The following SMYD3 variants were observed in gnomAD, a reference collection of about 807,000 sequenced individuals.
SMYD3 encodes histone-lysine N-methyltransferase SMYD3.
SMYD3 carries 36 observed loss-of-function variants against 57.7 expected under a neutral mutation model. The observed-to-expected ratio is 0.62, with a 90% CI of 0.48 to 0.82. The LOEUF is 0.82. Ranked by LOEUF, SMYD3 falls within the 40% of genes least tolerant of loss-of-function variation. The pLI, the probability that SMYD3 is intolerant of heterozygous loss-of-function variation, is 0.00. For synonymous variants in SMYD3, 211 were observed against 195.0 expected, an observed-to-expected ratio of 1.08 and a Z score of -0.68; for missense variants, 515 against 538.8, an observed-to-expected ratio of 0.96 and a Z score of 0.44.
chr1:245,922,791 G>T (rs1052512751), intron 7 of SMYD3, among the ~76,000 whole-genome samples: 1 of 152,150 alleles, frequency 6.6e-6, no homozygotes, highest in African/African-American at 2.4e-5. Context: ...ACACTGCGTA[G>T]TAGTAAGTGT....
chr1:246,447,337 A>G (rs2067563778), intron 1 of SMYD3, among the ~76,000 whole-genome samples: 1 of 152,244 alleles, frequency 6.6e-6, no homozygotes, highest in Non-Finnish European at 1.5e-5. Context: ...GCTATGAGAA[A>G]AGAGTACTTG....
At chr1:246,339,016 T>C (rs2065587883) in intron 2 of SMYD3, among the ~76,000 whole-genome samples, 1 of 140,586 alleles carries the variant, frequency 7.1e-6, no homozygotes, top group Non-Finnish European at 1.5e-5. Flanking sequence ...GGTGGAAAAC[T>C]TGTTTATAAT....
intron 1 of SMYD3, among the ~76,000 whole-genome samples, chr1:246,381,202 T>C (rs1040009754): frequency 1.3e-5 from 2 of 152,228 alleles, no homozygotes; most frequent in Non-Finnish European, 2.9e-5. Flanking sequence ...CTCAGTCACA[T>C]GGCCATGTCT....
intron 5 of SMYD3, among the ~76,000 whole-genome samples, chr1:246,311,649 A>G (rs1277664509): frequency 1.3e-5 from 2 of 152,148 alleles, no homozygotes; most frequent in Non-Finnish European, 2.9e-5. Flanking sequence ...ACACGCATAC[A>G]CACACGCGCA....
At chr1:246,397,127 G>C (rs748048540) in intron 1 of SMYD3, among the ~76,000 whole-genome samples, 1 of 152,304 alleles carries the variant, frequency 6.6e-6, no homozygotes, top group South Asian at 2.1e-4. Context: ...CTGGCTGCAC[G>C]ACAGGAGGTG....
chr1:246,470,467 C>G (rs1247154918), intron 1 of SMYD3, among the ~76,000 whole-genome samples: 1 of 148,408 alleles, frequency 6.7e-6, no homozygotes, highest in Non-Finnish European at 1.5e-5. Flanking sequence ...TGCATTCCAG[C>G]CTAGGAGACA....
intron 5 of SMYD3, among the ~76,000 whole-genome samples, chr1:245,951,322 C>CACGCCTGTCATCCCAGG (rs1394410110): frequency 9.6e-6 from 1 of 104,390 alleles, no homozygotes; most frequent in Non-Finnish European, 1.8e-5. Context: ...CGTCGTGGCT[C>CACGCCTGTCATCCCAGG]ACTTTGGGAG....
Position 246,055,100 on chromosome 1 carries a change from C to T in SMYD3, c.532-125163G>A, listed in dbSNP as rs922632117. 2.0e-5 allele frequency among the ~76,000 whole-genome samples: 3 copies of T among 151,572 alleles called. No individual in the cohort carries two copies. In the East Asian group the frequency reaches 5.8e-4, roughly 29 times the overall value. ...CTGAGGCAGGAGAATGGAGTGAACC[C>T]GGGTGGCAGAGCTTGCAGTGAGCCG... On this transcript the variant is annotated intron_variant, in intron 5 of 11. Transcript: ENST00000490107.
intron 5 of SMYD3, among the ~76,000 whole-genome samples, chr1:245,941,320 C>A (rs2057235700): frequency 6.6e-6 from 1 of 152,080 alleles, no homozygotes; most frequent in Non-Finnish European, 1.5e-5. Context: ...CAGGGAACCC[C>A]AGTAAGATAC....
chr1:245,760,857 G>A (rs940141721), intron 11 of SMYD3, among the ~76,000 whole-genome samples: 10 of 152,206 alleles, frequency 6.6e-5, no homozygotes, highest in Non-Finnish European at 1.5e-4. Context: ...AAGAGTTCCT[G>A]TAACAATACC....
intron 5 of SMYD3, among the ~76,000 whole-genome samples, chr1:246,114,403 G>A (rs189745297): frequency 1.1e-4 from 16 of 152,318 alleles, no homozygotes; most frequent in Admixed American, 7.8e-4. Context: ...GCCAGCCCCC[G>A]ATGGGGGAGA....
At chr1:246,285,030 T>C (rs2064532722) in intron 5 of SMYD3, among the ~76,000 whole-genome samples, 1 of 152,066 alleles carries the variant, frequency 6.6e-6, no homozygotes, top group South Asian at 2.1e-4. Flanking sequence ...GTAAGTTCTT[T>C]AGCGGTGATT....
At chr1:245,824,618 C>T (rs1434271686) in intron 10 of SMYD3, among the ~76,000 whole-genome samples, 2 of 151,892 alleles carry the variant, frequency 1.3e-5, no homozygotes, top group African/African-American at 2.4e-5. Flanking sequence ...CACTTTGGGA[C>T]GTCAAGGCAG....
chr1:245,875,063 G>A (rs1248078466), intron 8 of SMYD3, among the ~76,000 whole-genome samples: 2 of 152,236 alleles, frequency 1.3e-5, no homozygotes, highest in African/African-American at 2.4e-5. Context: ...CTGACGGCAC[G>A]GCGAGCCGCT....
At chr1:245,839,486 C>T (rs953326381) in intron 10 of SMYD3, among the ~76,000 whole-genome samples, 9 of 152,122 alleles carry the variant, frequency 5.9e-5, no homozygotes, top group Non-Finnish European at 1.0e-4. Context: ...GCCTTTCTAA[C>T]CTTTATTTTC....
chr1:246,384,676 CGTGAGCCACTGCACCTG>C (rs2066445707), intron 1 of SMYD3, among the ~76,000 whole-genome samples: 1 of 152,138 alleles, frequency 6.6e-6, no homozygotes, highest in South Asian at 2.1e-4. Flanking sequence ...AGATTACAGG[CGTGAGCCACTGCACCTG>C]GTCTAAAAAT....
chr1:245,976,880 CGGCCCAGGGAAAGCCATCGTCTCT>C (rs2058443048), intron 5 of SMYD3, among the ~76,000 whole-genome samples: 1 of 26,052 alleles, frequency 3.8e-5, no homozygotes. Flanking sequence ...CCATCGTCTC[CGGCCCAGGGAAAGCCATCGTCTCT>C]AGCCTAGGGA....
At chr1:246,096,492 G>A (rs1401485489) in intron 5 of SMYD3, 1 of 152,148 alleles carries the variant, frequency 6.6e-6, no homozygotes, top group Non-Finnish European at 1.5e-5. Context: ...TTATGACGAT[G>A]GGAAGAATGA....
intron 1 of SMYD3, among the ~76,000 whole-genome samples, chr1:246,364,608 C>T (rs1412124247): frequency 3.9e-5 from 6 of 152,172 alleles, no homozygotes; most frequent in African/African-American, 1.2e-4. Context: ...AGGATAAAAA[C>T]GGAATCCTAT....
Sources: allele counts gnomAD v4.1 joint callset (sites outside exome capture counted in the v4.1 genomes callset), GRCh38; gene constraint gnomAD v4.1.1; transcripts MANE v1.5; gene names NCBI Gene and HGNC (gene_info 2026-07-23, HGNC 2026-07-21).